Variants in PPP1CB observed in about 807,000 individuals in gnomAD.
PPP1CB encodes protein phosphatase 1 catalytic subunit beta.
PPP1CB carries 2 observed loss-of-function variants against 43.7 expected under a neutral mutation model. The observed-to-expected ratio is 0.05, with a 90% confidence interval of 0.02 to 0.14. PPP1CB has a LOEUF of 0.14. Ranked by LOEUF, PPP1CB falls within the 10% of genes least tolerant of loss-of-function variation. The pLI is 1.00. For missense variants in PPP1CB, 84 were observed against 398.0 expected (o/e 0.21, Z 6.71); for synonymous variants, 136 against 135.6 (o/e 1.00, Z -0.02).
intron 6 of PPP1CB, 22 bp downstream of exon 6, chr2:28,788,831 A>T: frequency 1.3e-6 from 2 of 1,564,562 alleles, no homozygotes; most frequent in Non-Finnish European, 1.7e-6. Flanking sequence ...AAAACTCTTA[A>T]GCTTTTTCTT....
chr2:28,788,634 T>G, intron 5 of PPP1CB, 24 bp from the exon 6 acceptor site: 1 of 1,605,022 alleles, frequency 6.2e-7, no homozygotes. Flanking sequence ...TTGTTCTTAA[T>G]TGCTGTATTT....
chr2:28,792,988 C>G (rs562963047), intron 6 of PPP1CB, among the ~76,000 whole-genome samples: 45 of 152,132 alleles, frequency 3.0e-4, no homozygotes, highest in African/African-American at 1.1e-3. Context: ...GGCAGATGAC[C>G]TGAGGTCAGG....
At chr2:28,759,570 C>T (rs1373738038) in intron 1 of PPP1CB, among the ~76,000 whole-genome samples, 1 of 143,514 alleles carries the variant, frequency 7.0e-6, no homozygotes, top group Non-Finnish European at 1.5e-5. Flanking sequence ...ATATAGAGTA[C>T]ATAATACTTG....
intron 6 of PPP1CB, among the ~76,000 whole-genome samples, chr2:28,791,745 G>A (rs1667390748): frequency 6.6e-6 from 1 of 152,028 alleles, no homozygotes; most frequent in African/African-American, 2.4e-5. Context: ...CTGATAATCA[G>A]TTTTTTTCAG....
intron 1 of PPP1CB, among the ~76,000 whole-genome samples, chr2:28,759,968 G>T (rs1177960423): frequency 6.6e-6 from 1 of 152,056 alleles, no homozygotes; most frequent in East Asian, 1.9e-4. Flanking sequence ...ACTCAGGCAT[G>T]TCCTTCAGGT....
In PPP1CB at chr2:28,799,318, T is replaced by C; in HGVS notation, c.*15T>C. 6.4e-7 allele frequency: 1 copy of C among 1,552,230 alleles called. No homozygotes were observed. Among genetic ancestry groups the C allele is most frequent in the Non-Finnish European group, 8.9e-7 (1 of 1,124,378 alleles). On this transcript the variant is annotated 3_prime_UTR_variant, in exon 8 of 8. Transcript: ENST00000395366. Reference sequence around the variant, plus strand: ...AGAAAAGGTGAAGAAAGGAATTCTGTAAAGAAACCATCAGATTTGTTAAGG... The same window carrying C: ...AGAAAAGGTGAAGAAAGGAATTCTGCAAAGAAACCATCAGATTTGTTAAGG...
chr2:28,764,070 A>G (rs1332367017), intron 1 of PPP1CB, among the ~76,000 whole-genome samples: 2 of 151,766 alleles, frequency 1.3e-5, no homozygotes, highest in East Asian at 1.9e-4. Flanking sequence ...ATTTTTTTTC[A>G]CTTAAAACCG....
At chr2:28,782,889 G>A (rs1667184782) in intron 4 of PPP1CB, 1 of 152,186 alleles carries the variant, frequency 6.6e-6, no homozygotes, top group Non-Finnish European at 1.5e-5. Flanking sequence ...TTCTCTGGCA[G>A]AACATAATTC....
chr2:28,785,752 T>A (rs1428375836), intron 5 of PPP1CB, among the ~76,000 whole-genome samples: 1 of 152,066 alleles, frequency 6.6e-6, no homozygotes, highest in Non-Finnish European at 1.5e-5. Flanking sequence ...GAGGCTGCGG[T>A]GACCTGTGAT....
At chr2:28,763,159 G>A (rs565809097) in intron 1 of PPP1CB, among the ~76,000 whole-genome samples, 1 of 152,308 alleles carries the variant, frequency 6.6e-6, no homozygotes, top group South Asian at 2.1e-4. Context: ...GACAACCATT[G>A]TACTTTGGGA....
At chr2:28,791,456 G>A (rs569055281) in intron 6 of PPP1CB, among the ~76,000 whole-genome samples, 12 of 151,774 alleles carry the variant, frequency 7.9e-5, no homozygotes, top group African/African-American at 1.9e-4. Flanking sequence ...TTAGCCTCCC[G>A]AGTAGCTGGG....
chr2:28,794,214 T>A (rs1667447938), intron 7 of PPP1CB, among the ~76,000 whole-genome samples: 1 of 152,234 alleles, frequency 6.6e-6, no homozygotes, highest in African/African-American at 2.4e-5. Flanking sequence ...GGAACCTAAG[T>A]TACGTCAGTC....
intron 5 of PPP1CB, among the ~76,000 whole-genome samples, chr2:28,784,979 A>G: frequency 6.7e-6 from 1 of 149,710 alleles, no homozygotes; most frequent in Admixed American, 6.7e-5. Flanking sequence ...GCTCAGAACT[A>G]CACATCAACC....
chr2:28,768,616 G>C (rs946920675), intron 1 of PPP1CB, among the ~76,000 whole-genome samples: 1 of 152,162 alleles, frequency 6.6e-6, no homozygotes, highest in Non-Finnish European at 1.5e-5. Context: ...TAAGATTGAA[G>C]GCAAAACTAA....
At chr2:28,785,075 T>TG (rs1432019407) in intron 5 of PPP1CB, among the ~76,000 whole-genome samples, 15 of 100,898 alleles carry the variant, frequency 1.5e-4, no homozygotes, top group African/African-American at 6.0e-4. Context: ...CTTTTTTTTT[T>TG]TTTTTTTTTT....
intron 1 of PPP1CB, among the ~76,000 whole-genome samples, chr2:28,775,847 T>C (rs1273911157): frequency 6.6e-6 from 1 of 152,152 alleles, no homozygotes; most frequent in Non-Finnish European, 1.5e-5. Flanking sequence ...TCTGTTCCCC[T>C]TCATCCCACA....
intron 7 of PPP1CB, among the ~76,000 whole-genome samples, chr2:28,794,638 C>T (rs1292138488): frequency 2.0e-5 from 3 of 152,010 alleles, no homozygotes; most frequent in African/African-American, 7.2e-5. Flanking sequence ...TTGCAGTGAG[C>T]CGAGATTGCA....
Position 28,799,412 on chromosome 2 carries a change from C to T in PPP1CB, c.*109C>T, listed in dbSNP as rs558445414. 5 of 816,224 alleles carry T rather than the reference C, an allele frequency of 6.1e-6. No individual in the cohort carries two copies. The African/African-American group carries it at 7.0e-5, about 11-fold the overall frequency. The allele number at this position is 816,224 out of a possible 1,614,324, so 50.6% of individuals were successfully genotyped here. A position where few individuals can be genotyped will look rare whatever the true frequency, so the allele number is the denominator to read the frequency against. ...CCATTTGACACCCTTTATGATGTCA[C>T]ACCTTTAACTTAAGGAGACGGGTAA... is the stretch of plus-strand genomic sequence containing the variant. On this transcript the variant is annotated 3_prime_UTR_variant, in exon 8 of 8. Coordinates refer to ENST00000395366, the MANE Select transcript of PPP1CB (RefSeq NM_002709.3).
intron 1 of PPP1CB, among the ~76,000 whole-genome samples, chr2:28,755,110 G>A (rs964512110): frequency 2.0e-5 from 3 of 152,098 alleles, no homozygotes; most frequent in Non-Finnish European, 4.4e-5. Flanking sequence ...GTGCGGTGGG[G>A]TGATGTTGGC....
Sources: allele counts gnomAD v4.1 joint callset (sites outside exome capture counted in the v4.1 genomes callset), GRCh38; gene constraint gnomAD v4.1.1; transcripts MANE v1.5; gene names NCBI Gene and HGNC (gene_info 2026-07-23, HGNC 2026-07-21).